The following ARHGAP10 variants were observed in gnomAD, a reference collection of about 807,000 sequenced individuals.
ARHGAP10 encodes the protein rho GTPase-activating protein 10.
Under a neutral mutation model 108.6 loss-of-function variants are expected in ARHGAP10, and 87 were observed. That is an observed-to-expected ratio of 0.80 (90% CI 0.67 to 0.96). The LOEUF (loss-of-function observed/expected upper bound fraction) is 0.96, where lower values mean the gene tolerates loss of function less well. Among genes scored for constraint, ARHGAP10 ranks in the 40% least tolerant of loss-of-function variants. The pLI, the probability that ARHGAP10 is intolerant of heterozygous loss-of-function variation, is 0.00. For missense variants in ARHGAP10, 939 were observed against 954.5 expected (o/e 0.98, Z 0.21); for synonymous variants, 347 against 341.1 (o/e 1.02, Z -0.19).
At chr4:147,794,995 C>T (rs968754019) in intron 1 of ARHGAP10, among the ~76,000 whole-genome samples, 2 of 152,154 alleles carry the variant, frequency 1.3e-5, no homozygotes, top group Non-Finnish European at 2.9e-5. Context: ...TGACTATAGT[C>T]AGTTCCATAT....
intron 7 of ARHGAP10, among the ~76,000 whole-genome samples, chr4:147,868,234 GTTTT>G (rs888977682): frequency 6.9e-6 from 1 of 144,692 alleles, no homozygotes; most frequent in Admixed American, 6.8e-5. Context: ...ATGTTGTTGA[GTTTT>G]TTTTGTTTTT....
At chr4:148,033,331 A>G (rs1253307588) in intron 19 of ARHGAP10, among the ~76,000 whole-genome samples, 1 of 152,264 alleles carries the variant, frequency 6.6e-6, no homozygotes, top group Non-Finnish European at 1.5e-5. Context: ...GCTTCCAGCC[A>G]TCCTGGGATG....
At chr4:147,917,209 T>G (rs1295349312) in intron 13 of ARHGAP10, 2 of 145,622 alleles carry the variant, frequency 1.4e-5, no homozygotes, top group African/African-American at 2.4e-5. Flanking sequence ...TTGGGCCTGA[T>G]GGCATTCTTC....
chr4:147,787,923 C>G (rs887794748), intron 1 of ARHGAP10, among the ~76,000 whole-genome samples: 2 of 152,054 alleles, frequency 1.3e-5, no homozygotes, highest in Non-Finnish European at 2.9e-5. Context: ...AGGAGGGTAC[C>G]TTTGATAGGA....
chr4:147,821,372 A>G (rs961854476), intron 1 of ARHGAP10, among the ~76,000 whole-genome samples: 1 of 152,204 alleles, frequency 6.6e-6, no homozygotes, highest in African/African-American at 2.4e-5. Context: ...GGATTGGTCC[A>G]TGCTTGCAAT....
At chr4:148,039,252 T>A (rs1050468377) in intron 19 of ARHGAP10, among the ~76,000 whole-genome samples, 2 of 152,056 alleles carry the variant, frequency 1.3e-5, no homozygotes, top group Non-Finnish European at 2.9e-5. Flanking sequence ...TGGCCATCCT[T>A]TGGGGATTTT....
intron 22 of ARHGAP10, among the ~76,000 whole-genome samples, chr4:148,066,861 C>T (rs28572262): frequency 0.016 from 2,397 of 152,258 alleles, 63 homozygotes; most frequent in African/African-American, 0.056. Context: ...TTGCTATAGA[C>T]GTATGGGGGA....
chr4:147,765,667 G>A (rs1302570208), intron 1 of ARHGAP10, among the ~76,000 whole-genome samples: 2 of 152,130 alleles, frequency 1.3e-5, no homozygotes, highest in African/African-American at 4.8e-5. Flanking sequence ...GGGTGTGGTG[G>A]CACATGCCTG....
At chr4:148,045,493 G>A (rs891941700) in intron 19 of ARHGAP10, among the ~76,000 whole-genome samples, 15 of 152,100 alleles carry the variant, frequency 9.9e-5, no homozygotes, top group Non-Finnish European at 2.1e-4. Flanking sequence ...TGTAATCCCA[G>A]CAATTTGGGA....
chr4:147,964,313 G>A (rs1739121157), intron 16 of ARHGAP10, among the ~76,000 whole-genome samples: 3 of 152,154 alleles, frequency 2.0e-5, no homozygotes, highest in Non-Finnish European at 2.9e-5. Flanking sequence ...TCCTCAACCT[G>A]CGCACCCTGC....
Position 147,838,638 on chromosome 4 carries a change from GC to G in ARHGAP10, c.313-8511del, listed in dbSNP as rs200082973. On this transcript the variant is annotated intron_variant, in intron 3 of 22. Transcript: ENST00000336498. ...AGCCTCAACCTCTCGGCCTCAACTAGCCTCCCACCTCAGCCTCCTGGGTAGC... is the reference window on the plus strand; with the variant it reads ...AGCCTCAACCTCTCGGCCTCAACTAGCTCCCACCTCAGCCTCCTGGGTAGC... 7.2e-4 allele frequency among the ~76,000 whole-genome samples: 110 copies of G among 152,190 alleles called. 3 individuals are homozygous for G. In the East Asian group the frequency reaches 0.02, roughly 28 times the overall value.
At chr4:147,875,901 G>T (rs1411566912) in intron 8 of ARHGAP10, among the ~76,000 whole-genome samples, 1 of 152,200 alleles carries the variant, frequency 6.6e-6, no homozygotes, top group Non-Finnish European at 1.5e-5. Context: ...TACGTCAACT[G>T]TACAACCCAA....
chr4:147,993,247 C>T (rs1475640726), intron 18 of ARHGAP10, among the ~76,000 whole-genome samples: 1 of 152,120 alleles, frequency 6.6e-6, no homozygotes, highest in Non-Finnish European at 1.5e-5. Flanking sequence ...ATTGGAAGCT[C>T]TAAAGATCTG....
At chr4:147,908,930 C>T (rs977133634) in intron 11 of ARHGAP10, among the ~76,000 whole-genome samples, 1 of 152,082 alleles carries the variant, frequency 6.6e-6, no homozygotes, top group African/African-American at 2.4e-5. Context: ...TGCATCTGAG[C>T]ATATGATAGT....
At chr4:147,860,810 C>A (rs949130538) in intron 5 of ARHGAP10, among the ~76,000 whole-genome samples, 1 of 152,140 alleles carries the variant, frequency 6.6e-6, no homozygotes, top group Non-Finnish European at 1.5e-5. Flanking sequence ...AGTTGATAAT[C>A]AAATTGAAAT....
At chr4:147,951,830 A>T (rs1436491) in intron 15 of ARHGAP10, among the ~76,000 whole-genome samples, 3 of 152,226 alleles carry the variant, frequency 2.0e-5, no homozygotes, top group Non-Finnish European at 2.9e-5. Flanking sequence ...TTATAGTGTA[A>T]GTTTCGGTAA....
intron 4 of ARHGAP10, among the ~76,000 whole-genome samples, chr4:147,851,175 C>A (rs1189292200): frequency 6.6e-6 from 1 of 152,070 alleles, no homozygotes; most frequent in Non-Finnish European, 1.5e-5. Context: ...AATAGATGTT[C>A]ATTTCACAAA....
chr4:148,050,039 A>C (rs1341447400), intron 20 of ARHGAP10, among the ~76,000 whole-genome samples: 1 of 151,732 alleles, frequency 6.6e-6, no homozygotes, highest in African/African-American at 2.4e-5. Flanking sequence ...GCTACTTTTC[A>C]TATTTTTGGT....
chr4:147,863,857 A>G (rs929960740), intron 5 of ARHGAP10: 2 of 152,176 alleles, frequency 1.3e-5, no homozygotes, highest in African/African-American at 4.8e-5. Flanking sequence ...TTGCATTCCC[A>G]CTAATGATGC....
Sources: allele counts gnomAD v4.1 joint callset (sites outside exome capture counted in the v4.1 genomes callset), GRCh38; gene constraint gnomAD v4.1.1; transcripts MANE v1.5; gene names NCBI Gene and HGNC (gene_info 2026-07-23, HGNC 2026-07-21).